The following CTDP1 variants were observed in gnomAD, a reference collection of about 807,000 sequenced individuals.
The protein encoded by CTDP1 is CTD phosphatase 1, also known as RNA polymerase II subunit A C-terminal domain phosphatase.
Under a neutral mutation model 91.8 loss-of-function variants are expected in CTDP1, and 47 were observed. The ratio of observed to expected loss-of-function variants is 0.51; its 90% CI spans 0.41 to 0.65. The LOEUF (loss-of-function observed/expected upper bound fraction) is 0.65. Ranked by LOEUF, CTDP1 falls within the 30% of genes least tolerant of loss-of-function variation. The pLI, the probability that CTDP1 is intolerant of heterozygous loss-of-function variation, is 0.00. For synonymous variants in CTDP1, 656 were observed against 598.5 expected, an observed-to-expected ratio of 1.10 and a Z score of -1.40; for missense variants, 1,272 against 1,373.7, an observed-to-expected ratio of 0.93 and a Z score of 1.17.
intron 1 of CTDP1, among the ~76,000 whole-genome samples, chr18:79,686,241 G>A (rs187951596): frequency 2.0e-5 from 3 of 152,110 alleles, no homozygotes; most frequent in Admixed American, 1.3e-4. Context: ...CCATTTTCAT[G>A]GTTTCTTTAA....
intron 3 of CTDP1, 32 bp downstream of exon 3, chr18:79,696,102 G>A (rs376948138): frequency 2.8e-5 from 44 of 1,590,338 alleles, no homozygotes; most frequent in Non-Finnish European, 3.6e-5. Flanking sequence ...GCGTGTTGGG[G>A]AAGCGTGGTG....
chr18:79,695,966 T>C lies in CTDP1; in HGVS notation c.399-11T>C, dbSNP rs763567138. ...CAGCTGAAAGCCCTGAACCTGTCCTTGCACTTGCAGGTTGCAGAGTAAGAA... is the reference window on the plus strand; with the variant it reads ...CAGCTGAAAGCCCTGAACCTGTCCTCGCACTTGCAGGTTGCAGAGTAAGAA... On this transcript the variant is annotated splice_polypyrimidine_tract_variant and intron_variant, in intron 2 of 12. Transcript: ENST00000613122. 1 of 1,610,842 alleles carries C rather than the reference T, an allele frequency of 6.2e-7. No individual in the cohort carries two copies. Among genetic ancestry groups the C allele is most frequent in the East Asian group, 2.2e-5 (1 of 44,880 alleles).
intron 1 of CTDP1, among the ~76,000 whole-genome samples, chr18:79,686,815 A>G (rs1372224166): frequency 6.6e-6 from 1 of 151,456 alleles, no homozygotes; most frequent in Non-Finnish European, 1.5e-5. Flanking sequence ...TGGCTTCTCC[A>G]GTTCACTGGT....
chr18:79,694,237 G>A (rs7243340), intron 1 of CTDP1, among the ~76,000 whole-genome samples: 43,539 of 136,150 alleles, frequency 0.32, 6,316 homozygotes, highest in Middle Eastern at 0.35. Flanking sequence ...GGAGCAGCCC[G>A]GCTGGGATGG....
Position 79,754,285 on chromosome 18 carries a change from C to T in CTDP1, c.*495C>T, listed in dbSNP as rs1050692711. 7 of 198,322 alleles carry T rather than the reference C, an allele frequency of 3.5e-5. No individual in the cohort carries two copies. Among genetic ancestry groups the T allele is most frequent in the Admixed American group, 2.7e-4 (5 of 18,818 alleles). The allele number at this position is 198,322 out of a possible 1,614,324, so 12.3% of individuals were successfully genotyped here. A position where few individuals can be genotyped will look rare whatever the true frequency, so the allele number is the denominator to read the frequency against. On this transcript the variant is annotated 3_prime_UTR_variant, in exon 13 of 13. Coordinates refer to ENST00000613122, the MANE Select transcript of CTDP1 (RefSeq NM_004715.5). Reference sequence around the variant, plus strand: ...CATTTCCGGGGAACGCCGTGACTGTCGGGCAGCCTGGAGCTTCCTGCAGCC... The same window carrying T: ...CATTTCCGGGGAACGCCGTGACTGTTGGGCAGCCTGGAGCTTCCTGCAGCC...
chr18:79,695,585 G>A (rs984195601), intron 2 of CTDP1, among the ~76,000 whole-genome samples: 3 of 152,200 alleles, frequency 2.0e-5, no homozygotes, highest in Admixed American at 6.5e-5. Context: ...GACGCAGATC[G>A]CTGAGTGCCT....
At chr18:79,725,669 T>G (rs1330983248) in intron 10 of CTDP1, among the ~76,000 whole-genome samples, 1 of 152,058 alleles carries the variant, frequency 6.6e-6, no homozygotes, top group East Asian at 1.9e-4. Flanking sequence ...GGATTCCTGC[T>G]TCCGTCCTCA....
At chr18:79,699,406 G>C (rs2085811842) in intron 4 of CTDP1, among the ~76,000 whole-genome samples, 1 of 151,954 alleles carries the variant, frequency 6.6e-6, no homozygotes, top group Non-Finnish European at 1.5e-5. Flanking sequence ...GACTACAGGT[G>C]CCCGCCACCA....
intron 10 of CTDP1, among the ~76,000 whole-genome samples, chr18:79,728,511 T>C (rs2086497168): frequency 6.6e-6 from 1 of 152,192 alleles, no homozygotes; most frequent in Non-Finnish European, 1.5e-5. Flanking sequence ...TGTTTTGCCG[T>C]GTAGCTCTCC....
intron 10 of CTDP1, among the ~76,000 whole-genome samples, chr18:79,727,517 A>T (rs2086476067): frequency 6.6e-6 from 1 of 152,104 alleles, no homozygotes; most frequent in African/African-American, 2.4e-5. Flanking sequence ...CGTTCGTGGG[A>T]TGGGAAGCGC....
In CTDP1 at chr18:79,745,346, C is replaced by CTGCGTCCCTCCCGTGCGCGTTCTGTCCCT. The variant is rs1568219357; in HGVS notation, c.2748-8306_2748-8305insTGCGTCCCTCCCGTGCGCGTTCTGTCCCT. 4.5e-4 allele frequency among the ~76,000 whole-genome samples: 13 copies of CTGCGTCCCTCCCGTGCGCGTTCTGTCCCT among 28,586 alleles called. 2 individuals are homozygous for CTGCGTCCCTCCCGTGCGCGTTCTGTCCCT. The highest frequency in any genetic ancestry group is 7.9e-4 in the Non-Finnish European group (11 of 13,976). The allele number at this position is 28,586 out of a possible 152,430, so 18.8% of individuals were successfully genotyped here. On this transcript the variant is annotated intron_variant, in intron 12 of 12. Coordinates refer to ENST00000613122, the MANE Select transcript of CTDP1 (RefSeq NM_004715.5). ...GTCCCTCCCGTGCGCGTTCTGTGCCCGCGTCCCTCCCGTGCGCGTTCTGTG... is the reference window on the plus strand; with the variant it reads ...GTCCCTCCCGTGCGCGTTCTGTGCCCTGCGTCCCTCCCGTGCGCGTTCTGTCCCTGCGTCCCTCCCGTGCGCGTTCTGTG...
intron 2 of CTDP1, among the ~76,000 whole-genome samples, chr18:79,695,550 C>G (rs757608047): frequency 6.6e-6 from 1 of 152,150 alleles, no homozygotes; most frequent in Non-Finnish European, 1.5e-5. Context: ...GCTGGAGGGC[C>G]GAGACCTGTT....
chr18:79,680,114 C>A lies in CTDP1; in HGVS notation c.167C>A (p.Ala56Asp). The A allele has an allele frequency of 2.1e-6, 3 of 1,422,338 alleles. No individual in the cohort carries two copies. The highest frequency in any genetic ancestry group is 2.8e-6 in the Non-Finnish European group (3 of 1,088,870). The allele number at this position is 1,422,338 out of a possible 1,614,324, so 88.1% of individuals were successfully genotyped here. ...GTGCTGGCCGTGTTCGAGGCCGCCG[C>A]CTCCGCGCAGTCCTCCGGGGCCTCT... is the stretch of plus-strand genomic sequence containing the variant. ...GSVLAVFEAA[A>D]SAQSSGASQS... The change falls in exon 1 of 13, where the codon GCC becomes GAC. Residue 56 changes from alanine to aspartate, a missense_variant. Ala to Asp is a moderately radical substitution (Grantham distance 126). Coordinates refer to ENST00000613122, the MANE Select transcript of CTDP1 (RefSeq NM_004715.5).
chr18:79,726,163 C>G (rs1406624803), intron 10 of CTDP1, among the ~76,000 whole-genome samples: 1 of 152,188 alleles, frequency 6.6e-6, no homozygotes, highest in Non-Finnish European at 1.5e-5. Context: ...CATCTCTAAG[C>G]TGTGTTCTTT....
chr18:79,707,273 T>C (rs1041170729), intron 5 of CTDP1, among the ~76,000 whole-genome samples: 3 of 152,034 alleles, frequency 2.0e-5, no homozygotes, highest in African/African-American at 7.3e-5. Context: ...AGGCCTCGTG[T>C]GGTGAGAGAT....
upstream of CTDP1, among the ~76,000 whole-genome samples, chr18:79,676,787 T>C (rs1274369119): frequency 6.6e-6 from 1 of 152,264 alleles, no homozygotes; most frequent in Non-Finnish European, 1.5e-5. Flanking sequence ...TTTTCCTGAC[T>C]GTGGCCTCAC....
At position 79,729,087 on chromosome 18, in the gene CTDP1, C is replaced by T. The variant is rs1318443161; in HGVS notation, c.2580+18C>T. 2 of 1,612,188 alleles carry T rather than the reference C, an allele frequency of 1.2e-6. No homozygotes were observed. The highest frequency in any genetic ancestry group is 1.1e-5 in the South Asian group (1 of 90,992). On this transcript the variant is annotated intron_variant, in intron 11 of 12. Transcript: ENST00000613122. ...ACAAAGAGGTGAGCCAACCCCACGCCCCGGTGCCCGCGCCAGCGCTCGTGC... is the reference window on the plus strand; with the variant it reads ...ACAAAGAGGTGAGCCAACCCCACGCTCCGGTGCCCGCGCCAGCGCTCGTGC...
downstream of CTDP1, chr18:79,754,800 T>C (rs1490662012): frequency 6.6e-6 from 1 of 152,272 alleles, no homozygotes; most frequent in African/African-American, 2.4e-5. Context: ...GAGCTACAGG[T>C]AGGTGCTGGG....
intron 12 of CTDP1, 55 bp downstream of exon 12, chr18:79,736,576 C>T (rs2086672127): frequency 1.4e-6 from 2 of 1,464,996 alleles, no homozygotes; most frequent in East Asian, 2.5e-5. Flanking sequence ...GGAGGTGACT[C>T]TGCAGTTGGT....
Sources: allele counts gnomAD v4.1 joint callset (sites outside exome capture counted in the v4.1 genomes callset), GRCh38; gene constraint gnomAD v4.1.1; transcripts MANE v1.5; gene names NCBI Gene and HGNC (gene_info 2026-07-23, HGNC 2026-07-21).